Variants in FOXP2 observed in about 807,000 individuals in gnomAD.
FOXP2 encodes the protein forkhead box protein P2.
In FOXP2, 12 loss-of-function variants were observed where a neutral mutation model predicts 115.8. The ratio of observed to expected loss-of-function variants is 0.10; its 90% confidence interval spans 0.07 to 0.17. The LOEUF is 0.17. FOXP2 is among the 10% of genes least tolerant of loss of function. FOXP2 has a pLI of 1.00. For missense variants in FOXP2, 629 were observed against 843.5 expected (o/e 0.75, Z 3.15); for synonymous variants, 328 against 297.7 (o/e 1.10, Z -1.05).
intron 2 of FOXP2, among the ~76,000 whole-genome samples, chr7:114,517,650 C>G (rs1334336747): frequency 6.6e-6 from 1 of 152,084 alleles, no homozygotes; most frequent in Non-Finnish European, 1.5e-5. Context: ...CATGGATTTA[C>G]TTCTAGGCCC....
At chr7:114,587,427 A>G (rs956988852) in intron 3 of FOXP2, among the ~76,000 whole-genome samples, 10 of 152,182 alleles carry the variant, frequency 6.6e-5, no homozygotes, top group African/African-American at 2.2e-4. Context: ...GTCCCTGCAC[A>G]GGACATGAAC....
intron 1 of FOXP2, among the ~76,000 whole-genome samples, chr7:114,117,249 T>C (rs1791434756): frequency 2.0e-5 from 3 of 150,340 alleles, no homozygotes; most frequent in African/African-American, 7.4e-5. Context: ...TGAAACAGAG[T>C]CTCACTCTGT....
intron 1 of FOXP2, among the ~76,000 whole-genome samples, chr7:114,231,565 G>A (rs1432400814): frequency 1.3e-5 from 2 of 152,094 alleles, no homozygotes; most frequent in East Asian, 1.9e-4. Flanking sequence ...ATAAAATAAT[G>A]TATGATCTAT....
rs886616945 is a variant in FOXP2 at position 114,543,047 on chromosome 7, G to T, written c.258+8341G>T. On this transcript the variant is annotated intron_variant, in intron 3 of 16. Transcript: ENST00000350908. ...TCCACCCACCTTGGCCTCCAAAAGC[G>T]CTGGGATTATAGCATGAGCCACCAT... 5.3e-5 allele frequency among the ~76,000 whole-genome samples: 8 copies of T among 152,002 alleles called. No homozygotes were observed. The South Asian group carries it at 1.2e-3, about 24-fold the overall frequency.
intron 2 of FOXP2, among the ~76,000 whole-genome samples, chr7:114,331,071 A>G (rs1797697290): frequency 6.6e-6 from 1 of 152,196 alleles, no homozygotes; most frequent in African/African-American, 2.4e-5. Flanking sequence ...TTTCTTTATT[A>G]TATCTTTATT....
chr7:114,331,946 C>T (rs1158736725), intron 2 of FOXP2, among the ~76,000 whole-genome samples: 3 of 152,072 alleles, frequency 2.0e-5, no homozygotes, highest in Non-Finnish European at 4.4e-5. Context: ...TGCACCTGGG[C>T]TTCTGACATT....
intron 2 of FOXP2, among the ~76,000 whole-genome samples, chr7:114,427,759 T>C (rs1793922142): frequency 6.6e-6 from 1 of 151,550 alleles, no homozygotes; most frequent in African/African-American, 2.4e-5. Context: ...ATTTAATAGA[T>C]ACATTATTTT....
intron 2 of FOXP2, among the ~76,000 whole-genome samples, chr7:114,298,457 A>C (rs1045807131): frequency 6.6e-6 from 1 of 152,206 alleles, no homozygotes; most frequent in African/African-American, 2.4e-5. Flanking sequence ...TAATAACAAT[A>C]ATAATACTAT....
intron 2 of FOXP2, among the ~76,000 whole-genome samples, chr7:114,429,577 A>C (rs1794015157): frequency 6.6e-6 from 1 of 151,516 alleles, no homozygotes; most frequent in South Asian, 2.1e-4. Context: ...TTGCAGAATT[A>C]ATTGTTTGTG....
chr7:114,617,486 C>G (rs1290470180), intron 3 of FOXP2, among the ~76,000 whole-genome samples: 3 of 152,128 alleles, frequency 2.0e-5, no homozygotes, highest in Non-Finnish European at 4.4e-5. Context: ...CTCCATGTTT[C>G]CCTACTCTCT....
chr7:114,356,090 G>A (rs144742328), intron 2 of FOXP2, among the ~76,000 whole-genome samples: 108 of 152,116 alleles, frequency 7.1e-4, no homozygotes, highest in African/African-American at 2.5e-3. Flanking sequence ...AATTCCACAG[G>A]ACTAAATGGC....
At chr7:114,532,210 T>C (rs1465702947) in intron 2 of FOXP2, among the ~76,000 whole-genome samples, 2 of 151,790 alleles carry the variant, frequency 1.3e-5, no homozygotes, top group African/African-American at 4.8e-5. Context: ...ATAAGGGAGG[T>C]ATTAATATAA....
chr7:114,392,704 C>A (rs1792632741), intron 2 of FOXP2, among the ~76,000 whole-genome samples: 1 of 152,190 alleles, frequency 6.6e-6, no homozygotes, highest in South Asian at 2.1e-4. Context: ...TCTCTTCTTA[C>A]AGTAATCCCA....
intron 1 of FOXP2, among the ~76,000 whole-genome samples, chr7:114,279,994 A>T (rs1041129391): frequency 6.6e-6 from 1 of 152,000 alleles, no homozygotes; most frequent in African/African-American, 2.4e-5. Flanking sequence ...GTCTATTTAA[A>T]CCTGCTTTAG....
rs949091324 is a variant in FOXP2 at position 114,376,331 on chromosome 7, G to A, written c.-10-50171G>A. On this transcript the variant is annotated intron_variant, in intron 2 of 17. Transcript: ENST00000634411. The stretch of plus-strand genomic sequence containing the variant: ...TTGGAAGGCAGTTTATAATCTCAGC[G>A]ACAATTATTTAACTTCTTTTATTCT... 3.9e-5 allele frequency among the ~76,000 whole-genome samples: 6 copies of A among 152,288 alleles called. No individual in the cohort carries two copies. In the East Asian group the frequency reaches 5.8e-4, roughly 15 times the overall value.
At chr7:114,517,295 G>A (rs1332102962) in intron 2 of FOXP2, among the ~76,000 whole-genome samples, 1 of 151,684 alleles carries the variant, frequency 6.6e-6, no homozygotes, top group Non-Finnish European at 1.5e-5. Flanking sequence ...CATTCCATAG[G>A]TCGTCTCTTT....
upstream of FOXP2, among the ~76,000 whole-genome samples, chr7:114,160,985 A>G (rs1792814092): frequency 6.6e-6 from 1 of 152,204 alleles, no homozygotes; most frequent in Admixed American, 6.5e-5. Flanking sequence ...TCAGTCCAGG[A>G]CAACAAAAAG....
intron 1 of FOXP2, among the ~76,000 whole-genome samples, chr7:114,176,294 TTCTTTCTCTCTC>T (rs1446971992): frequency 6.1e-5 from 3 of 49,414 alleles, no homozygotes; most frequent in East Asian, 3.4e-4. Context: ...CTTTCTTTCT[TTCTTTCTCTCTC>T]TCTCTCTCTC....
chr7:114,103,772 A>G (rs1392740277), intron 1 of FOXP2, among the ~76,000 whole-genome samples: 3 of 151,988 alleles, frequency 2.0e-5, no homozygotes, highest in Admixed American at 6.6e-5. Flanking sequence ...GAACAAAATA[A>G]TTTCATTTTT....
Sources: allele counts gnomAD v4.1 joint callset (sites outside exome capture counted in the v4.1 genomes callset), GRCh38; gene constraint gnomAD v4.1.1; transcripts MANE v1.5; gene names NCBI Gene and HGNC (gene_info 2026-07-23, HGNC 2026-07-21).